NRXN3: variants seen among roughly 807,000 people sequenced by gnomAD.
NRXN3 encodes neurexin 3.
NRXN3 carries 32 observed loss-of-function variants against 137.6 expected under a neutral mutation model. That is an observed-to-expected ratio of 0.23 (90% CI 0.18 to 0.31). NRXN3 has a LOEUF of 0.31. NRXN3 is among the 10% of genes least tolerant of loss of function. NRXN3 has a pLI of 1.00. For synonymous variants in NRXN3, 798 were observed against 784.5 expected (o/e 1.02, Z -0.29); for missense variants, 1,574 against 2,062.5 (o/e 0.76, Z 4.59).
chr14:79,639,647 C>T (rs970573212), intron 16 of NRXN3, among the ~76,000 whole-genome samples: 3 of 152,020 alleles, frequency 2.0e-5, no homozygotes, highest in East Asian at 3.8e-4. Flanking sequence ...AACTTTTTTT[C>T]GCTGTAGAAG....
intron 14 of NRXN3, among the ~76,000 whole-genome samples, chr14:78,981,198 TC>T (rs1221503331): frequency 6.6e-6 from 1 of 152,196 alleles, no homozygotes; most frequent in Non-Finnish European, 1.5e-5. Flanking sequence ...AATGAGATCT[TC>T]CTGTTTAACT....
chr14:79,168,586 T>G (rs777294780), intron 15 of NRXN3, among the ~76,000 whole-genome samples: 2 of 151,994 alleles, frequency 1.3e-5, no homozygotes, highest in Non-Finnish European at 2.9e-5. Flanking sequence ...CTTGATAATA[T>G]TCTCCCCCAC....
chr14:78,484,266 A>G (rs1042245213), intron 4 of NRXN3, among the ~76,000 whole-genome samples: 1 of 152,168 alleles, frequency 6.6e-6, no homozygotes, highest in African/African-American at 2.4e-5. Context: ...ACACACACCA[A>G]TGAATGGTTC....
At chr14:78,710,877 G>A (rs2098401468) in intron 7 of NRXN3, among the ~76,000 whole-genome samples, 1 of 152,224 alleles carries the variant, frequency 6.6e-6, no homozygotes, top group South Asian at 2.1e-4. Flanking sequence ...TTTACTGGTT[G>A]TCTGAAATCT....
intron 15 of NRXN3, among the ~76,000 whole-genome samples, chr14:79,104,422 C>T (rs2051966162): frequency 6.6e-6 from 1 of 152,102 alleles, no homozygotes; most frequent in African/African-American, 2.4e-5. Context: ...AATATCCTCC[C>T]CACTCCACAG....
At chr14:78,286,729 G>T (rs578094206) in intron 3 of NRXN3, among the ~76,000 whole-genome samples, 1 of 152,284 alleles carries the variant, frequency 6.6e-6, no homozygotes, top group East Asian at 1.9e-4. Context: ...AGAGGACCTA[G>T]ATAGACCAGT....
intron 15 of NRXN3, among the ~76,000 whole-genome samples, chr14:79,047,415 A>G (rs1266578709): frequency 6.6e-6 from 1 of 152,214 alleles, no homozygotes; most frequent in African/African-American, 2.4e-5. Flanking sequence ...CACTAAGTAT[A>G]TAAAAGAAAG....
At chr14:79,151,339 G>T (rs1280912075) in intron 15 of NRXN3, among the ~76,000 whole-genome samples, 1 of 152,030 alleles carries the variant, frequency 6.6e-6, no homozygotes, top group African/African-American at 2.4e-5. Context: ...ACAATTCCCT[G>T]CAAAGAACAT....
At chr14:79,564,023 G>A (rs1038523222) in intron 16 of NRXN3, among the ~76,000 whole-genome samples, 1 of 152,038 alleles carries the variant, frequency 6.6e-6, no homozygotes, top group African/African-American at 2.4e-5. Context: ...TCTTAAAGAA[G>A]GAAGAGAAGT....
At chr14:79,086,038 G>T (rs189282629) in intron 15 of NRXN3, among the ~76,000 whole-genome samples, 1 of 152,116 alleles carries the variant, frequency 6.6e-6, no homozygotes, top group African/African-American at 2.4e-5. Context: ...AAGCTGCAGC[G>T]CTTCTAGATT....
intron 2 of NRXN3, among the ~76,000 whole-genome samples, chr14:78,270,807 G>A (rs1455196053): frequency 2.6e-5 from 4 of 152,164 alleles, no homozygotes; most frequent in Admixed American, 2.6e-4. Flanking sequence ...TTTTGAAAAT[G>A]CAAATTTGTT....
Position 79,861,226 on chromosome 14 carries a change from TG to T in NRXN3, c.4094-114del. On this transcript the variant is annotated intron_variant, in intron 20 of 20. Transcript: ENST00000335750. The surrounding 1 kb of genome is among the most constrained non-coding windows in gnomAD (Gnocchi z 5.4). Reference sequence around the variant, plus strand: ...CTTGCTTGTCGGACCAAGGCAGCGATGGTTGTGATGATGATGGCTTGGTGAT... The same window carrying T: ...CTTGCTTGTCGGACCAAGGCAGCGATGTTGTGATGATGATGGCTTGGTGAT... 6.5e-7 allele frequency: 1 copy of T among 1,534,678 alleles called. No homozygotes were observed. The highest frequency in any genetic ancestry group is 2.5e-5 in the East Asian group (1 of 40,802).
At chr14:78,492,627 AC>A (rs2095690183) in intron 4 of NRXN3, among the ~76,000 whole-genome samples, 1 of 152,046 alleles carries the variant, frequency 6.6e-6, no homozygotes, top group African/African-American at 2.4e-5. Flanking sequence ...GTACCCCACA[AC>A]CCCAGTATAA....
In NRXN3 at chr14:79,248,261, T is replaced by G. The variant is rs527612041; in HGVS notation, c.3263-218960T>G. On this transcript the variant is annotated intron_variant, in intron 15 of 20. Transcript: ENST00000335750. ...TTCTTCATCTGCTCTCCCTTCCTTT[T>G]GAGCATTATCCCATTTCATGCCCCC... Among the ~76,000 whole-genome samples the G allele has an allele frequency of 2.6e-5, 4 of 152,286 alleles. No homozygotes were observed. In the East Asian group the frequency reaches 7.7e-4, roughly 29 times the overall value.
At chr14:79,489,902 G>A (rs1320140865) in intron 16 of NRXN3, among the ~76,000 whole-genome samples, 1 of 151,822 alleles carries the variant, frequency 6.6e-6, no homozygotes, top group Non-Finnish European at 1.5e-5. Context: ...AGCCGGGCAT[G>A]GTGGCAGGCA....
At chr14:78,264,555 G>A (rs908864213) in intron 2 of NRXN3, among the ~76,000 whole-genome samples, 2 of 152,066 alleles carry the variant, frequency 1.3e-5, no homozygotes, top group Non-Finnish European at 2.9e-5. Flanking sequence ...AAGCCAGCAG[G>A]GCAGAAACTG....
At chr14:79,105,675 A>G in intron 15 of NRXN3, among the ~76,000 whole-genome samples, 1 of 152,080 alleles carries the variant, frequency 6.6e-6, no homozygotes, top group East Asian at 1.9e-4. Flanking sequence ...GTATTGAGGG[A>G]AAGTCTGCTA....
At chr14:78,273,443 A>G (rs55780290) in intron 2 of NRXN3, among the ~76,000 whole-genome samples, 7,887 of 152,296 alleles carry the variant, frequency 0.052, 249 homozygotes, top group South Asian at 0.076. Flanking sequence ...GTATTATAAA[A>G]ATCAACCCCA....
At chr14:78,466,027 G>A (rs928129512) in intron 4 of NRXN3, among the ~76,000 whole-genome samples, 1 of 151,052 alleles carries the variant, frequency 6.6e-6, no homozygotes, top group Non-Finnish European at 1.5e-5. Flanking sequence ...AATTTTTTTT[G>A]TATTTTTAGT....
Sources: allele counts gnomAD v4.1 joint callset (sites outside exome capture counted in the v4.1 genomes callset), GRCh38; gene constraint gnomAD v4.1.1; non-coding constraint Gnocchi (gnomAD v3.1); transcripts MANE v1.5; gene names NCBI Gene and HGNC (gene_info 2026-07-23, HGNC 2026-07-21).